Variants in FGF13 observed in about 807,000 individuals in gnomAD.
The protein encoded by FGF13 is fibroblast growth factor homologous factor 2.
FGF13 carries 2 observed loss-of-function variants against 19.5 expected under a neutral mutation model. The observed-to-expected ratio is 0.10, with a 90% confidence interval of 0.04 to 0.32. The LOEUF is 0.32. Ranked by LOEUF, FGF13 falls within the 10% of genes least tolerant of loss-of-function variation. The probability of loss-of-function intolerance (pLI) is 1.00; values close to 1 mark genes in which losing one functional copy is unlikely to be tolerated. For missense variants in FGF13, 113 were observed against 192.7 expected (o/e 0.59, Z 2.45); for synonymous variants, 72 against 76.9 (o/e 0.94, Z 0.33).
At chrX:139,182,958 G>C (rs1391114854) in intron 1 of FGF13, among the ~76,000 whole-genome samples, 6 of 111,170 alleles carry the variant, frequency 5.4e-5, no homozygotes, top group African/African-American at 2.0e-4. Context: ...GAGATTAAGA[G>C]GCTCACTCAA....
Position 139,191,888 on chromosome X carries a change from T to C in FGF13, c.-113+11528A>G, listed in dbSNP as rs72616267. ...CAAGCTATCATAAGGGTCAAAATAT[T>C]TGGACACTGACCTCTGCTATTCTAA... is the stretch of plus-strand genomic sequence containing the variant. On this transcript the variant is annotated intron_variant, in intron 1 of 2. Coordinates refer to the FGF13 transcript ENST00000421460. 0.029 allele frequency among the ~76,000 whole-genome samples: 3,185 copies of C among 111,299 alleles called. 165 individuals carry two copies. The East Asian group carries it at 0.29, about 10-fold the overall frequency.
chrX:138,870,537 G>A (rs1214801435), intron 1 of FGF13, among the ~76,000 whole-genome samples: 1 of 112,198 alleles, frequency 8.9e-6, no homozygotes, highest in East Asian at 2.8e-4. Flanking sequence ...AAATGCCCAT[G>A]TCCTAAATCC....
At chrX:139,105,293 T>C (rs950186680) in intron 1 of FGF13, among the ~76,000 whole-genome samples, 2 of 111,597 alleles carry the variant, frequency 1.8e-5, no homozygotes, top group African/African-American at 6.5e-5. Context: ...GAGGAACAGG[T>C]GCTGAGTGGG....
At chrX:139,056,901 G>A (rs1286618164) in intron 1 of FGF13, among the ~76,000 whole-genome samples, 1 of 111,946 alleles carries the variant, frequency 8.9e-6, no homozygotes, top group Non-Finnish European at 1.9e-5. Context: ...TCCTGTCAAA[G>A]ATGAATTTCA....
chrX:139,024,534 TCACCC>T (rs2092193105), intron 1 of FGF13, among the ~76,000 whole-genome samples: 1 of 111,680 alleles, frequency 9.0e-6, no homozygotes, highest in Non-Finnish European at 1.9e-5. Flanking sequence ...AGTCTCATTC[TCACCC>T]CATTGTGCTG....
chrX:138,874,146 A>G (rs1436678548), intron 1 of FGF13, among the ~76,000 whole-genome samples: 5 of 101,012 alleles, frequency 4.9e-5, no homozygotes, highest in African/African-American at 1.5e-4. Context: ...TAGAACTTAA[A>G]GTATAATAAA....
At chrX:138,800,547 G>A (rs929980262) in intron 3 of FGF13, among the ~76,000 whole-genome samples, 1 of 111,185 alleles carries the variant, frequency 9.0e-6, no homozygotes, top group African/African-American at 3.3e-5. Flanking sequence ...GGACGATTAT[G>A]TGTCTTGGGG....
Position 138,837,332 on chromosome X carries a change from G to T in FGF13, c.217+20180C>A, listed in dbSNP as rs1602938463. Among the ~76,000 whole-genome samples the T allele has an allele frequency of 3.6e-5, 4 of 111,974 alleles. No individual in the cohort carries two copies. In the Admixed American group the frequency reaches 3.8e-4, roughly 11 times the overall value. ...CCTACCATTGGGAGCTGCATCCCAGGGAGAGCTGAGACGTCTGTCAGCCAG... is the reference window on the plus strand; with the variant it reads ...CCTACCATTGGGAGCTGCATCCCAGTGAGAGCTGAGACGTCTGTCAGCCAG... On this transcript the variant is annotated intron_variant, in intron 3 of 6. Transcript: ENST00000436198.
Position 138,711,629 on chromosome X carries a change from C to T in FGF13, c.-626G>A. On this transcript the variant is annotated 5_prime_UTR_variant, in exon 1 of 5. Transcript: ENST00000315930. ...ACAGGGATCAAACAGGTAATGGCCT[C>T]GCATCTTCGCTGTTGCTGCTGCTCT... The T allele has an allele frequency of 1.3e-6, 1 of 754,491 alleles. No homozygotes were observed. The highest frequency in any genetic ancestry group is 1.6e-6 in the Non-Finnish European group (1 of 638,853). The allele number at this position is 754,491 out of a possible 1,213,427, so 62.2% of individuals were successfully genotyped here.
At chrX:139,076,269 A>G (rs1008028521) in intron 1 of FGF13, among the ~76,000 whole-genome samples, 2 of 111,916 alleles carry the variant, frequency 1.8e-5, no homozygotes, top group Non-Finnish European at 3.8e-5. Context: ...AAAAACTCAA[A>G]AAGTGTAAAA....
intron 1 of FGF13, among the ~76,000 whole-genome samples, chrX:139,149,517 T>C (rs17378): frequency 0.1 from 11,274 of 111,974 alleles, 1,105 homozygotes; most frequent in African/African-American, 0.31. Context: ...AAGTTTAGAA[T>C]GTCCTGAGAA....
chrX:139,033,163 G>T (rs1048645246), intron 1 of FGF13, among the ~76,000 whole-genome samples: 1 of 109,524 alleles, frequency 9.1e-6, no homozygotes, highest in African/African-American at 3.3e-5. Context: ...TCAAATCAGA[G>T]CAAAATTGGA....
chrX:138,755,096 C>G (rs767821357), intron 3 of FGF13, among the ~76,000 whole-genome samples: 1 of 111,613 alleles, frequency 9.0e-6, no homozygotes, highest in Non-Finnish European at 1.9e-5. Flanking sequence ...TTAGAAGCCT[C>G]CAACATATCT....
chrX:138,902,446 T>TC lies in FGF13; in HGVS notation c.-112-37797dup, dbSNP rs761855411. On this transcript the variant is annotated intron_variant, in intron 1 of 2. Transcript: ENST00000421460. The stretch of plus-strand genomic sequence containing the variant: ...CTCTGAAGGAAACCATCCCTCCTTT[T>TC]CTAACAGTTTGATCACCCCTTAACG... Among the ~76,000 whole-genome samples, 4 of 112,180 alleles carry TC rather than the reference T, an allele frequency of 3.6e-5. No individual in the cohort carries two copies. The South Asian group carries it at 1.5e-3, about 42-fold the overall frequency.
At chrX:139,097,779 G>A (rs1295182925) in intron 1 of FGF13, among the ~76,000 whole-genome samples, 1 of 111,300 alleles carries the variant, frequency 9.0e-6, no homozygotes, top group Non-Finnish European at 1.9e-5. Context: ...GGAGTAAATG[G>A]CATAGGGATC....
At chrX:139,121,323 G>A (rs1278884540) in intron 1 of FGF13, among the ~76,000 whole-genome samples, 1 of 111,623 alleles carries the variant, frequency 9.0e-6, no homozygotes, top group Non-Finnish European at 1.9e-5. Flanking sequence ...TCTTAATTTT[G>A]GAGATTTGGA....
In FGF13 at chrX:138,711,281, C is replaced by T; in HGVS notation, c.-278G>A. On this transcript the variant is annotated 5_prime_UTR_variant, in exon 1 of 5. Transcript: ENST00000315930. ...CCCGGGCCCGGGATCGCGGGCGAGA[C>T]TGGCACGCGGATGCTGAACTGCGCG... 1.0e-6 allele frequency: 1 copy of T among 963,359 alleles called. No homozygotes were observed. The highest frequency in any genetic ancestry group is 3.8e-5 in the South Asian group (1 of 26,040). 79.4% of individuals were successfully genotyped at this position (963,359 alleles called of 1,213,427 possible). A position where few individuals can be genotyped will look rare whatever the true frequency, so the allele number is the denominator to read the frequency against.
At chrX:138,659,878 C>T (rs2089473168) in intron 3 of FGF13, among the ~76,000 whole-genome samples, 1 of 110,591 alleles carries the variant, frequency 9.0e-6, no homozygotes, top group Non-Finnish European at 1.9e-5. Flanking sequence ...TGGACACAGG[C>T]AGGGGAACAT....
chrX:138,997,818 A>G (rs939673166), intron 1 of FGF13, among the ~76,000 whole-genome samples: 13 of 111,957 alleles, frequency 1.2e-4, no homozygotes, highest in Non-Finnish European at 1.9e-5. Flanking sequence ...ATTCAAATTC[A>G]GGAAACACAG....
Sources: gnomAD v4.1 joint callset for allele counts (sites outside exome capture counted in the v4.1 genomes callset) on GRCh38, gnomAD v4.1.1 for gene constraint, MANE v1.5 for transcripts, NCBI Gene and HGNC (gene_info 2026-07-23, HGNC 2026-07-21) for gene names.